The following OSBPL9 variants were observed in gnomAD, a reference collection of about 807,000 sequenced individuals.
OSBPL9 encodes the protein oxysterol-binding protein-related protein 9.
A neutral mutation model predicts 106.6 loss-of-function variants in OSBPL9; 40 were observed. The ratio of observed to expected loss-of-function variants is 0.38; its 90% CI spans 0.29 to 0.49. OSBPL9 has a LOEUF of 0.49. Among genes scored for constraint, OSBPL9 ranks in the 20% least tolerant of loss-of-function variants. The pLI is 0.97. For synonymous variants in OSBPL9, 269 were observed against 295.4 expected, an observed-to-expected ratio of 0.91 and a Z score of 0.92; for missense variants, 609 against 887.2, an observed-to-expected ratio of 0.69 and a Z score of 3.98.
At chr1:51,705,450 G>A (rs1251056293) in intron 3 of OSBPL9, among the ~76,000 whole-genome samples, 5 of 76,692 alleles carry the variant, frequency 6.5e-5, no homozygotes, top group Non-Finnish European at 1.2e-4. Flanking sequence ...TTTCGCTCTT[G>A]TTGCCCAGGC....
chr1:51,683,206 G>A (rs1018294428), intron 3 of OSBPL9, among the ~76,000 whole-genome samples: 1 of 151,460 alleles, frequency 6.6e-6, no homozygotes, highest in South Asian at 2.1e-4. Context: ...TTGAGATGGA[G>A]TTTCGCTCTT....
At chr1:51,654,713 A>G (rs987212853) in intron 2 of OSBPL9, among the ~76,000 whole-genome samples, 1 of 152,114 alleles carries the variant, frequency 6.6e-6, no homozygotes, top group African/African-American at 2.4e-5. Context: ...ACAGTCTATT[A>G]TTATTATTAT....
intron 22 of OSBPL9, 76 bp from the exon 23 acceptor site, chr1:51,787,277 T>G (rs1677888187): frequency 7.0e-7 from 1 of 1,424,046 alleles, no homozygotes; most frequent in Non-Finnish European, 9.8e-7. Context: ...CCATTTGACT[T>G]GTATTATACT....
At chr1:51,609,855 C>T (rs1208297561) in intron 2 of OSBPL9, among the ~76,000 whole-genome samples, 1 of 151,356 alleles carries the variant, frequency 6.6e-6, no homozygotes, top group Non-Finnish European at 1.5e-5. Flanking sequence ...TCAAGCGATT[C>T]TCCTGCCTCA....
chr1:51,700,899 G>A (rs1283364391), intron 3 of OSBPL9, among the ~76,000 whole-genome samples: 1 of 151,848 alleles, frequency 6.6e-6, no homozygotes, highest in Non-Finnish European at 1.5e-5. Flanking sequence ...TTGGTCTAAT[G>A]GTGATTTTTA....
intron 1 of OSBPL9, among the ~76,000 whole-genome samples, chr1:51,645,378 T>G (rs766673302): frequency 6.6e-6 from 1 of 152,196 alleles, no homozygotes; most frequent in Non-Finnish European, 1.5e-5. Flanking sequence ...TCTGTATATA[T>G]TCTCGATACT....
intron 2 of OSBPL9, among the ~76,000 whole-genome samples, chr1:51,660,902 T>C (rs1347767908): frequency 6.6e-6 from 1 of 152,244 alleles, no homozygotes; most frequent in African/African-American, 2.4e-5. Flanking sequence ...ACTGTCACCA[T>C]GTCCTGTTAA....
At chr1:51,533,751 G>C in the OSBPL9 span, among the ~76,000 whole-genome samples, 1 of 151,850 alleles carries the variant, frequency 6.6e-6, no homozygotes, top group South Asian at 2.1e-4. Flanking sequence ...GGCAGGACAT[G>C]AGACTAGAAA....
chr1:51,617,313 G>GT, intron 1 of OSBPL9, 92 bp downstream of exon 1: 1 of 1,333,014 alleles, frequency 7.5e-7, no homozygotes, highest in African/African-American at 1.5e-5. Flanking sequence ...CTGAGTTGAG[G>GT]TTGCTAGTCT....
intron 15 of OSBPL9, among the ~76,000 whole-genome samples, chr1:51,777,579 A>G (rs982597456): frequency 1.2e-4 from 19 of 152,150 alleles, no homozygotes; most frequent in Admixed American, 6.5e-5. Flanking sequence ...AGCTAGATAC[A>G]TATCACTGAA....
chr1:51,528,432 G>A, the OSBPL9 span, among the ~76,000 whole-genome samples: 4 of 151,212 alleles, frequency 2.6e-5, no homozygotes, highest in African/African-American at 4.9e-5. Flanking sequence ...AAGTCCCAGC[G>A]ACCTGGGAGG....
chr1:51,519,184 G>T, the OSBPL9 span: 1 of 1,443,182 alleles, frequency 6.9e-7, no homozygotes, highest in Non-Finnish European at 9.2e-7. Context: ...CCGGCGGACG[G>T]GCGTGTGGCG....
upstream of OSBPL9, chr1:51,574,024 T>C (rs2148596339): frequency 1.3e-5 from 2 of 152,196 alleles, no homozygotes; most frequent in South Asian, 4.1e-4. Flanking sequence ...CCGGCTGATG[T>C]TTAGACTGCA....
At chr1:51,635,969 A>G (rs1435138589) in intron 1 of OSBPL9, among the ~76,000 whole-genome samples, 1 of 151,896 alleles carries the variant, frequency 6.6e-6, no homozygotes, top group African/African-American at 2.4e-5. Flanking sequence ...CTTAGTGTAA[A>G]TATTTGTTTG....
the OSBPL9 span, among the ~76,000 whole-genome samples, chr1:51,520,965 C>G: frequency 6.6e-6 from 1 of 152,216 alleles, no homozygotes; most frequent in Non-Finnish European, 1.5e-5. Flanking sequence ...GTACACTTAT[C>G]AGCCATAACC....
rs35542001 is a variant in OSBPL9 at position 51,658,928 on chromosome 1, A to T, written c.162+6887A>T. Among the ~76,000 whole-genome samples, 1,252 of 152,152 alleles carry T rather than the reference A, an allele frequency of 8.2e-3. 20 individuals are homozygous for T. Among genetic ancestry groups the T allele is most frequent in the African/African-American group, 0.028 (1,179 of 41,530 alleles). On this transcript the variant is annotated intron_variant, in intron 2 of 23. Coordinates refer to ENST00000428468, the MANE Select transcript of OSBPL9 (RefSeq NM_024586.6). ...TCGTTAATTCAGTAGCCTTTTTGTA[A>T]GCTCTTTCTCTTCTCTATGAATTTA...
At chr1:51,606,963 T>C (rs1287094291) in intron 2 of OSBPL9, among the ~76,000 whole-genome samples, 1 of 151,152 alleles carries the variant, frequency 6.6e-6, no homozygotes, top group East Asian at 2.0e-4. Flanking sequence ...GGCAGGAGAA[T>C]GGCGTGAACC....
At chr1:51,639,468 A>G (rs2148670381) in intron 1 of OSBPL9, among the ~76,000 whole-genome samples, 1 of 152,324 alleles carries the variant, frequency 6.6e-6, no homozygotes, top group Non-Finnish European at 1.5e-5. Flanking sequence ...TCTACCATCA[A>G]CATGTTAAAT....
At chr1:51,731,882 A>G (rs1664541378) in intron 4 of OSBPL9, among the ~76,000 whole-genome samples, 1 of 152,196 alleles carries the variant, frequency 6.6e-6, no homozygotes, top group Non-Finnish European at 1.5e-5. Flanking sequence ...TCTGTTTACA[A>G]AGTGCCCTGA....
Sources: allele counts gnomAD v4.1 joint callset (sites outside exome capture counted in the v4.1 genomes callset), GRCh38; gene constraint gnomAD v4.1.1; transcripts MANE v1.5; gene names NCBI Gene and HGNC (gene_info 2026-07-23, HGNC 2026-07-21).